BTK: variants seen among roughly 807,000 people sequenced by gnomAD.
BTK encodes Bruton tyrosine kinase, also known as tyrosine-protein kinase BTK.
Under a neutral mutation model 57.4 loss-of-function variants are expected in BTK, and 5 were observed. That is an observed-to-expected ratio of 0.09 (90% confidence interval 0.05 to 0.18). The LOEUF (loss-of-function observed/expected upper bound fraction) is 0.18, where lower values mean the gene tolerates loss of function less well. Among genes scored for constraint, BTK ranks in the 10% least tolerant of loss-of-function variants. The pLI is 1.00. For synonymous variants in BTK, 154 were observed against 174.3 expected, an observed-to-expected ratio of 0.88 and a Z score of 0.92; for missense variants, 194 against 501.2, an observed-to-expected ratio of 0.39 and a Z score of 5.85.
chrX:101,356,178 G>A lies in BTK; in HGVS notation c.1440C>T (p.Gly480=), dbSNP rs2147427427. ...IFIITEYMAN[G]CLLNYLREMR... is the part of the protein sequence containing the mutation. ...TCTCCCTCAGGTAGTTCAGGAGGCA[G>A]CCATTGGCCATGTACTCAGTGATGA... Residue 480 remains glycine (G), a synonymous_variant, in exon 15 of 19, where the codon GGC becomes GGT. Coordinates refer to ENST00000308731, the MANE Select transcript of BTK (RefSeq NM_000061.3). The A allele has an allele frequency of 8.3e-7, 1 of 1,211,753 alleles. No individual in the cohort carries two copies. The highest frequency in any genetic ancestry group is 1.1e-6 in the Non-Finnish European group (1 of 895,479).
At chrX:101,371,807 A>G in intron 3 of BTK, 106 bp from the exon 4 acceptor site, 1 of 645,970 alleles carries the variant, frequency 1.5e-6, no homozygotes, top group Non-Finnish European at 2.6e-6. Flanking sequence ...TTTCTCCTGC[A>G]CAGACAAGGC....
In BTK at chrX:101,352,162, CAA is replaced by C. The variant is rs35710840; in HGVS notation, c.1908+1030_1908+1031del. On this transcript the variant is annotated intron_variant, in intron 18 of 18. Coordinates refer to ENST00000308731, the MANE Select transcript of BTK (RefSeq NM_000061.3). ...TGGGCGACAGAGAAAGACTCGGTCT[CAA>C]AAAAAAAAAAAAAAAAATCTCATTT... Among the ~76,000 whole-genome samples, 389 of 53,645 alleles carry C rather than the reference CAA, an allele frequency of 7.3e-3. 3 individuals carry two copies. The highest frequency in any genetic ancestry group is 0.026 in the Middle Eastern group (2 of 78). The allele number at this position is 53,645 out of a possible 115,157, so 46.6% of individuals were successfully genotyped here. A position where few individuals can be genotyped will look rare whatever the true frequency, so the allele number is the denominator to read the frequency against.
At chrX:101,375,975 G>T (rs781784747) in intron 1 of BTK, among the ~76,000 whole-genome samples, 895 of 75,111 alleles carry the variant, frequency 0.012, 9 homozygotes, top group African/African-American at 0.066. Flanking sequence ...GGTGGGTTTT[G>T]GTGGGGGGGG....
chrX:101,363,411 C>G (rs923560758), intron 5 of BTK, among the ~76,000 whole-genome samples: 3 of 111,649 alleles, frequency 2.7e-5, no homozygotes, highest in African/African-American at 9.8e-5. Context: ...ATATCAAAAA[C>G]CTTCACATGA....
chrX:101,359,559 A>G (rs1417261338), intron 9 of BTK, among the ~76,000 whole-genome samples: 1 of 111,837 alleles, frequency 8.9e-6, no homozygotes, highest in African/African-American at 3.2e-5. Context: ...AGGCAAAGGC[A>G]AGCAGCAGGG....
In BTK at chrX:101,370,086, C is replaced by G. The variant is rs781841095; in HGVS notation, c.310-7G>C. 8.4e-7 allele frequency: 1 copy of G among 1,190,811 alleles called. No homozygotes were observed. Among genetic ancestry groups the G allele is most frequent in the African/African-American group, 1.8e-5 (1 of 56,631 alleles). ...GCCCTTCATCATATACAACCTGGGT[C>G]GATGAAAACACAGACTTCAGCAGTT... On this transcript the variant is annotated splice_region_variant and splice_polypyrimidine_tract_variant and intron_variant, in intron 4 of 18. Transcript: ENST00000308731.
intron 5 of BTK, among the ~76,000 whole-genome samples, chrX:101,367,981 C>T (rs1249532562): frequency 8.9e-6 from 1 of 111,885 alleles, no homozygotes; most frequent in Admixed American, 9.6e-5. Context: ...TCCTGCAGAG[C>T]TCTTATCCCA....
intron 4 of BTK, among the ~76,000 whole-genome samples, chrX:101,370,418 CTTA>C (rs1926988839): frequency 8.9e-6 from 1 of 111,814 alleles, no homozygotes; most frequent in East Asian, 2.8e-4. Flanking sequence ...GGTATTTTAT[CTTA>C]TTATTAAATT....
Position 101,375,320 on chromosome X carries a change from G to A in BTK, c.-30-6C>T, listed in dbSNP as rs372812010. On this transcript the variant is annotated splice_polypyrimidine_tract_variant and splice_region_variant and intron_variant, in intron 1 of 18. Transcript: ENST00000308731. Reference sequence around the variant, plus strand: ...TTCTGGAGTTCACCTGTGTGCTGTTGATAATGAAAGTTCCTGAGGACCCAG... The same window carrying A: ...TTCTGGAGTTCACCTGTGTGCTGTTAATAATGAAAGTTCCTGAGGACCCAG... 1 of 1,208,283 alleles carries A rather than the reference G, an allele frequency of 8.3e-7. No individual in the cohort carries two copies. Among genetic ancestry groups the A allele is most frequent in the African/African-American group, 1.7e-5 (1 of 57,608 alleles).
chrX:101,381,007 GAAAAAAAAAA>G (rs782713123), intron 1 of BTK, among the ~76,000 whole-genome samples: 1 of 24,742 alleles, frequency 4.0e-5, no homozygotes, highest in African/African-American at 1.3e-4. Flanking sequence ...ACTCGGTCGC[GAAAAAAAAAA>G]AAAAAAAAAA....
In BTK at chrX:101,356,280, G is replaced by A; in HGVS notation, c.1350-12C>T. ...CATGGGAAAGATTCCTACAGGAAAG[G>A]CAAGGAACTAGTCTTCTCCTTTTGG... is the stretch of plus-strand genomic sequence containing the variant. On this transcript the variant is annotated splice_polypyrimidine_tract_variant and intron_variant, in intron 14 of 18. Transcript: ENST00000308731. The A allele has an allele frequency of 8.4e-7, 1 of 1,197,355 alleles. No individual in the cohort carries two copies. Among genetic ancestry groups the A allele is most frequent in the Non-Finnish European group, 1.1e-6 (1 of 883,430 alleles).
intron 14 of BTK, 93 bp downstream of exon 14, chrX:101,356,691 T>TA: frequency 9.4e-7 from 1 of 1,068,248 alleles, no homozygotes; most frequent in Non-Finnish European, 1.3e-6. Flanking sequence ...AAACCTCTCT[T>TA]ACTGTAAGTC....
At chrX:101,385,986 G>C (rs1376497367) in intron 1 of BTK, 76 bp downstream of exon 1, 2 of 111,347 alleles carry the variant, frequency 1.8e-5, no homozygotes, top group Non-Finnish European at 3.8e-5. Flanking sequence ...CAGCCATGCT[G>C]TCTCTCTGGT....
intron 3 of BTK, among the ~76,000 whole-genome samples, chrX:101,372,487 G>T (rs1939332237): frequency 9.2e-6 from 1 of 108,968 alleles, no homozygotes; most frequent in Non-Finnish European, 1.9e-5. Flanking sequence ...TTGCTCTGTC[G>T]TCCAGCCTGG....
intron 1 of BTK, among the ~76,000 whole-genome samples, chrX:101,385,136 A>G (rs1211250224): frequency 1.8e-5 from 2 of 111,529 alleles, no homozygotes; most frequent in African/African-American, 3.3e-5. Flanking sequence ...AGAGCGGGGG[A>G]AGAAAGGAGC....
At chrX:101,356,499 G>T in intron 14 of BTK, 1 of 448,656 alleles carries the variant, frequency 2.2e-6, no homozygotes, top group Non-Finnish European at 3.8e-6. Flanking sequence ...ATGAAAGAAC[G>T]CTAAGGCTAA....
At chrX:101,352,590 T>TG (rs1371050305) in intron 18 of BTK, among the ~76,000 whole-genome samples, 1 of 111,192 alleles carries the variant, frequency 9.0e-6, no homozygotes, top group Non-Finnish European at 1.9e-5. Flanking sequence ...CATGGCGAAA[T>TG]GCCATCTCTA....
At chrX:101,369,172 A>G (rs1926948368) in intron 5 of BTK, among the ~76,000 whole-genome samples, 1 of 112,640 alleles carries the variant, frequency 8.9e-6, no homozygotes, top group Non-Finnish European at 1.9e-5. Flanking sequence ...AGCAAGGAAT[A>G]TGAAATATTT....
At chrX:101,364,580 A>G (rs1423027627) in intron 5 of BTK, among the ~76,000 whole-genome samples, 2 of 106,458 alleles carry the variant, frequency 1.9e-5, no homozygotes, top group Admixed American at 2.0e-4. Flanking sequence ...TTTAAGAGCC[A>G]TTTTGGTACT....
Sources: gnomAD v4.1 joint callset for allele counts (sites outside exome capture counted in the v4.1 genomes callset) on GRCh38, gnomAD v4.1.1 for gene constraint, MANE v1.5 for transcripts, NCBI Gene and HGNC (gene_info 2026-07-23, HGNC 2026-07-21) for gene names.